CARD10: variants seen among roughly 807,000 people sequenced by gnomAD.
CARD10 encodes caspase recruitment domain-containing protein 10.
In CARD10, 49 loss-of-function variants were observed where a neutral mutation model predicts 114.6. The ratio of observed to expected loss-of-function variants is 0.43; its 90% CI spans 0.34 to 0.54. The LOEUF is 0.54. CARD10 is among the 20% of genes least tolerant of loss of function. CARD10 has a pLI of 0.03. For missense variants in CARD10, 1,206 were observed against 1,397.2 expected, an observed-to-expected ratio of 0.86 and a Z score of 2.18; for synonymous variants, 602 against 593.2, an observed-to-expected ratio of 1.01 and a Z score of -0.21.
chr22:37,504,835 C>T lies in CARD10; in HGVS notation c.1384-66G>A, dbSNP rs901890208. The T allele has an allele frequency of 5.3e-6, 5 of 948,314 alleles. No homozygotes were observed. In the East Asian group the frequency reaches 1.2e-4, roughly 23 times the overall value. The allele number at this position is 948,314 out of a possible 1,614,324, so 58.7% of individuals were successfully genotyped here. ...GGCCCACGTCAACCACAGTCCTTTA[C>T]TGAGCACCTGCCATGTGCCAGCACA... On this transcript the variant is annotated intron_variant, in intron 7 of 19. Transcript: ENST00000251973.
rs1448912343 is a variant in CARD10, at chr22:37,516,013, T to C, written c.659A>G (p.Lys220Arg). Residue 220 changes from lysine to arginine, a missense_variant, in exon 3 of 20, where the codon AAG (lysine) becomes AGG (arginine). Around this residue, in one of 2 missense-constraint regions of CARD10, gnomAD observed 1,068 missense variants for 1,179.1 expected, o/e 0.91. Coordinates refer to ENST00000251973, the MANE Select transcript of CARD10 (RefSeq NM_014550.4). ...AMRLAQLSEE[K>R]NSAVLRSRDL... is the part of the protein sequence containing the mutation. ...ACGGCTGCGAAGTACAGCCGAGTTC[T>C]TCTCCTCACTGAGCTGTGCCAGGCG... 6.9e-6 allele frequency: 11 copies of C among 1,600,254 alleles called. No homozygotes were observed. The highest frequency in any genetic ancestry group is 9.4e-6 in the Non-Finnish European group (11 of 1,174,004).
chr22:37,504,902 G>C (rs2145764367), intron 7 of CARD10, 133 bp from the exon 8 acceptor site: 1 of 446,774 alleles, frequency 2.2e-6, no homozygotes. Context: ...GCCTAGAATG[G>C]GAGATAAACT....
At position 37,519,393 on chromosome 22, in the gene CARD10, CTCCGCCGGCGCAGGGGGGCGGT is replaced by C; in HGVS notation, c.-215_-194del. 8.3e-7 allele frequency: 1 copy of C among 1,202,040 alleles called. No individual in the cohort carries two copies. Among genetic ancestry groups the C allele is most frequent in the Non-Finnish European group, 1.0e-6 (1 of 969,318 alleles). 74.5% of individuals were successfully genotyped at this position (1,202,040 alleles called of 1,614,324 possible). A position where few individuals can be genotyped will look rare whatever the true frequency, so the allele number is the denominator to read the frequency against. The stretch of plus-strand genomic sequence containing the variant: ...TCCCGGGTCCGCACTCGGGCGGCGG[CTCCGCCGGCGCAGGGGGGCGGT>C]GCCCGTGGCGCCCCCGGCTCCGCCC... On this transcript the variant is annotated 5_prime_UTR_variant, in exon 1 of 20. Coordinates refer to ENST00000251973, the MANE Select transcript of CARD10 (RefSeq NM_014550.4). The surrounding 1 kb of genome is among the most constrained non-coding windows in gnomAD (Gnocchi z 4.1).
At position 37,518,124 on chromosome 22, in the gene CARD10, G is replaced by C. The variant is rs373517240; in HGVS notation, c.236-16C>G. The C allele has an allele frequency of 1.2e-6, 2 of 1,611,762 alleles. No individual in the cohort carries two copies. Among genetic ancestry groups the C allele is most frequent in the African/African-American group, 2.7e-5 (2 of 74,890 alleles). ...ATCAGGCGCCCTACAGAGTAGTGGG[G>C]GGATGTACCCAGGGTCTAGGGGAAG... On this transcript the variant is annotated splice_polypyrimidine_tract_variant and intron_variant, in intron 1 of 19. Coordinates refer to ENST00000251973, the MANE Select transcript of CARD10 (RefSeq NM_014550.4).
chr22:37,518,814 G>A (rs11704276), intron 1 of CARD10, 152 bp downstream of exon 1: 1 of 921,416 alleles, frequency 1.1e-6, no homozygotes, highest in Non-Finnish European at 1.5e-6. Context: ...GGAGGAGGCA[G>A]GCTGGTGGGC....
chr22:37,504,036 C>T (rs533953720), intron 9 of CARD10, 150 bp downstream of exon 9: 169 of 731,328 alleles, frequency 2.3e-4, no homozygotes, highest in Non-Finnish European at 3.9e-4. Context: ...CTCACAGGAC[C>T]TGGGTTTCCA....
At position 37,491,121 on chromosome 22, in the gene CARD10, C is replaced by CGTGG. The variant is rs1922753952; in HGVS notation, c.*37_*38insCCAC. 6.7e-7 allele frequency: 1 copy of CGTGG among 1,490,710 alleles called. No homozygotes were observed. The highest frequency in any genetic ancestry group is 9.1e-7 in the Non-Finnish European group (1 of 1,097,560). The allele number at this position is 1,490,710 out of a possible 1,614,324, so 92.3% of individuals were successfully genotyped here. Reference sequence around the variant, plus strand: ...GCTTCACCATAGACACCAGGGTCCACGCTGGCTTGGGGAGAAGGTGCAGGT... The same window carrying CGTGG: ...GCTTCACCATAGACACCAGGGTCCACGTGGGCTGGCTTGGGGAGAAGGTGCAGGT... On this transcript the variant is annotated 3_prime_UTR_variant, in exon 20 of 20. Transcript: ENST00000251973.
At chr22:37,513,321 G>A (rs545733357) in intron 3 of CARD10, among the ~76,000 whole-genome samples, 101 of 151,994 alleles carry the variant, frequency 6.6e-4, no homozygotes, top group African/African-American at 2.2e-3. Context: ...CACGTTAGCC[G>A]GGATGGTCTC....
chr22:37,517,934 A>C, intron 2 of CARD10, 37 bp downstream of exon 2: 1 of 1,602,426 alleles, frequency 6.2e-7, no homozygotes, highest in South Asian at 1.1e-5. Flanking sequence ...TGTGCACTGG[A>C]GTCCGAGGTG....
At position 37,504,708 on chromosome 22, in the gene CARD10, A is replaced by G. The variant is rs1207664193; in HGVS notation, c.1445T>C (p.Phe482Ser). Residue 482 changes from phenylalanine (F) to serine (S), a missense_variant, in exon 8 of 20, where the codon TTC (phenylalanine) becomes TCC (serine). Phe to Ser is a radical substitution (Grantham distance 155). Transcript: ENST00000251973. ...NLSSTWSLSE[F>S]PSPLGGPEAT... The stretch of plus-strand genomic sequence containing the variant: ...TTCTGGGCCTCCCAGAGGGGAGGGG[A>G]ACTCGCTCAGGCTCCAAGTGCTGCT... 1.3e-6 allele frequency: 2 copies of G among 1,583,150 alleles called. No individual in the cohort carries two copies. Among genetic ancestry groups the G allele is most frequent in the East Asian group, 2.3e-5 (1 of 42,634 alleles).
intron 3 of CARD10, among the ~76,000 whole-genome samples, chr22:37,513,856 T>A (rs1281083469): frequency 6.6e-6 from 1 of 151,984 alleles, no homozygotes; most frequent in Non-Finnish European, 1.5e-5. Flanking sequence ...TCCAGCACTT[T>A]GGGAGGCTGA....
intron 3 of CARD10, among the ~76,000 whole-genome samples, chr22:37,510,927 C>T (rs1388975525): frequency 6.6e-6 from 1 of 151,926 alleles, no homozygotes; most frequent in African/African-American, 2.4e-5. Context: ...ACTAAAAATA[C>T]AAAAATGAGC....
chr22:37,510,603 G>A (rs1429324933), intron 3 of CARD10, 182 bp from the exon 4 acceptor site: 1 of 596,724 alleles, frequency 1.7e-6, no homozygotes, highest in East Asian at 2.8e-5. Context: ...AAAACAAACA[G>A]GGCTGAGGAA....
chr22:37,494,285 C>A, intron 15 of CARD10, 97 bp from the exon 16 acceptor site: 2 of 774,302 alleles, frequency 2.6e-6, no homozygotes, highest in South Asian at 3.5e-5. Flanking sequence ...GGCCCCACTG[C>A]CACTGTGGTC....
At chr22:37,514,460 A>G (rs1202297831) in intron 3 of CARD10, among the ~76,000 whole-genome samples, 1 of 152,026 alleles carries the variant, frequency 6.6e-6, no homozygotes, top group East Asian at 1.9e-4. Flanking sequence ...CTCCTGCCAC[A>G]CACCAACCAG....
chr22:37,509,155 C>A, intron 4 of CARD10: 2 of 1,465,348 alleles, frequency 1.4e-6, no homozygotes, highest in Non-Finnish European at 1.8e-6. Context: ...AGTGCCCCAA[C>A]CCCATGAAAC....
At chr22:37,518,892 C>G in intron 1 of CARD10, 74 bp downstream of exon 1, 1 of 1,444,796 alleles carries the variant, frequency 6.9e-7, no homozygotes, top group Non-Finnish European at 9.1e-7. Context: ...TAGCTTCGCG[C>G]TACACGGCTG....
intron 4 of CARD10, 195 bp from the exon 5 acceptor site, chr22:37,508,877 A>G (rs1601816030): frequency 8.0e-7 from 1 of 1,256,208 alleles, no homozygotes. Flanking sequence ...AGCCCTACCC[A>G]CCCTCCAGGG....
chr22:37,517,870 C>G (rs1295914342), intron 2 of CARD10, 101 bp downstream of exon 2: 34 of 1,427,512 alleles, frequency 2.4e-5, no homozygotes, highest in Non-Finnish European at 3.2e-5. Flanking sequence ...GTTTCCCTTA[C>G]TGTTCAACAG....
Sources: allele counts gnomAD v4.1 joint callset (sites outside exome capture counted in the v4.1 genomes callset), GRCh38; gene constraint gnomAD v4.1.1; regional missense constraint gnomAD v4.1.1; non-coding constraint Gnocchi (gnomAD v3.1); transcripts MANE v1.5; gene names NCBI Gene and HGNC (gene_info 2026-07-23, HGNC 2026-07-21).